The following MAF variants were observed in gnomAD, a reference collection of about 807,000 sequenced individuals.
MAF encodes transcription factor Maf.
Under a neutral mutation model 22.0 loss-of-function variants are expected in MAF, and 10 were observed. The observed-to-expected ratio is 0.45, with a 90% CI of 0.28 to 0.77. MAF has a LOEUF of 0.77. MAF is among the 30% of genes least tolerant of loss of function. The probability of loss-of-function intolerance (pLI) is 0.12; values close to 1 mark genes in which losing one functional copy is unlikely to be tolerated. For missense variants in MAF, 544 were observed against 548.4 expected, an observed-to-expected ratio of 0.99 and a Z score of 0.08; for synonymous variants, 337 against 255.8, an observed-to-expected ratio of 1.32 and a Z score of -3.03.
the MAF span, among the ~76,000 whole-genome samples, chr16:79,266,866 G>C: frequency 1.3e-5 from 2 of 152,212 alleles, no homozygotes; most frequent in Admixed American, 1.3e-4. Context: ...ATGAAGAGGA[G>C]ATGAGGAGAT....
the MAF span, among the ~76,000 whole-genome samples, chr16:79,277,106 T>C: frequency 6.6e-6 from 1 of 152,182 alleles, no homozygotes; most frequent in Non-Finnish European, 1.5e-5. Context: ...GGTGCAATCA[T>C]GGCTCACTGT....
chr16:79,244,493 G>A, the MAF span, among the ~76,000 whole-genome samples: 1 of 151,970 alleles, frequency 6.6e-6, no homozygotes, highest in Middle Eastern at 3.4e-3. Context: ...AAAATACCTA[G>A]GAATACAACT....
chr16:79,380,070 T>A, the MAF span, among the ~76,000 whole-genome samples: 9 of 152,144 alleles, frequency 5.9e-5, no homozygotes, highest in Non-Finnish European at 1.3e-4. Context: ...ATGGAACCCC[T>A]CAGTGTGCAC....
the MAF span, among the ~76,000 whole-genome samples, chr16:79,240,857 C>G: frequency 6.6e-6 from 1 of 152,054 alleles, no homozygotes; most frequent in Admixed American, 6.6e-5. Context: ...AAACAGGCAG[C>G]CATCTTTGCT....
Position 79,594,963 on chromosome 16 carries a change from C to T in MAF, c.1119-410G>A, listed in dbSNP as rs970726202. The T allele has an allele frequency of 5.5e-6, 6 of 1,090,906 alleles. No homozygotes were observed. In the African/African-American group the frequency reaches 8.2e-5, roughly 15 times the overall value. 67.6% of individuals were successfully genotyped at this position (1,090,906 alleles called of 1,614,324 possible). ...ACACAACTATATTTTCCTTCCAATCCAGGCCTCATTTGTCATGAGATAACT... is the reference window on the plus strand; with the variant it reads ...ACACAACTATATTTTCCTTCCAATCTAGGCCTCATTTGTCATGAGATAACT... On this transcript the variant is annotated intron_variant, in intron 1 of 1. Transcript: ENST00000326043.
chr16:79,281,463 A>G, the MAF span, among the ~76,000 whole-genome samples: 1 of 151,624 alleles, frequency 6.6e-6, no homozygotes, highest in Admixed American at 6.6e-5. Flanking sequence ...AGTGAGCTGT[A>G]TTCCTGAAAA....
chr16:79,545,946 G>A, the MAF span, among the ~76,000 whole-genome samples: 6,528 of 151,996 alleles, frequency 0.043, 226 homozygotes, highest in Non-Finnish European at 0.055. Flanking sequence ...ATTTTAATTT[G>A]CTTGATTTAA....
the MAF span, among the ~76,000 whole-genome samples, chr16:79,472,507 G>C: frequency 6.6e-6 from 1 of 152,094 alleles, no homozygotes; most frequent in South Asian, 2.1e-4. Context: ...CTAAGTGAAA[G>C]AAGCCAGGTA....
the MAF span, among the ~76,000 whole-genome samples, chr16:79,324,880 T>C: frequency 6.6e-6 from 1 of 152,092 alleles, no homozygotes; most frequent in African/African-American, 2.4e-5. Context: ...AGCAGGATCA[T>C]GCTCCTTCTG....
chr16:79,353,678 T>C, the MAF span, among the ~76,000 whole-genome samples: 14 of 152,212 alleles, frequency 9.2e-5, no homozygotes, highest in East Asian at 2.7e-3. Flanking sequence ...TTTTCTGCCT[T>C]TGGAGAGGAG....
At chr16:79,211,520 G>A in the MAF span, 3 of 1,556,916 alleles carry the variant, frequency 1.9e-6, no homozygotes, top group Non-Finnish European at 2.6e-6. Flanking sequence ...GGTGGGGGAG[G>A]CCTGCTAATG....
chr16:79,356,860 A>G, the MAF span, among the ~76,000 whole-genome samples: 2 of 152,306 alleles, frequency 1.3e-5, no homozygotes, highest in East Asian at 3.9e-4. Context: ...AAGGCATGAA[A>G]AATTATATTT....
the MAF span, among the ~76,000 whole-genome samples, chr16:79,387,938 T>C: frequency 1.3e-5 from 2 of 152,212 alleles, no homozygotes; most frequent in African/African-American, 2.4e-5. Flanking sequence ...ACTGAGTTCA[T>C]AGTAGGTTGT....
chr16:79,477,483 C>A, the MAF span, among the ~76,000 whole-genome samples: 1 of 152,166 alleles, frequency 6.6e-6, no homozygotes, highest in African/African-American at 2.4e-5. Flanking sequence ...GAGAAAACCA[C>A]CTTGAAAGCC....
At chr16:79,483,433 G>A in the MAF span, among the ~76,000 whole-genome samples, 1 of 150,890 alleles carries the variant, frequency 6.6e-6, no homozygotes, top group African/African-American at 2.4e-5. Context: ...GGGAAGTGAA[G>A]GGAAGACCCA....
At chr16:79,462,279 A>C in the MAF span, among the ~76,000 whole-genome samples, 1 of 151,952 alleles carries the variant, frequency 6.6e-6, no homozygotes, top group Non-Finnish European at 1.5e-5. Context: ...CACTTTTATT[A>C]CTCCCATTTT....
At chr16:79,238,415 T>C in the MAF span, among the ~76,000 whole-genome samples, 1 of 152,100 alleles carries the variant, frequency 6.6e-6, no homozygotes, top group Non-Finnish European at 1.5e-5. Context: ...TTTACTTATT[T>C]GGGTACATAG....
At chr16:79,326,098 T>C in the MAF span, among the ~76,000 whole-genome samples, 3 of 152,216 alleles carry the variant, frequency 2.0e-5, no homozygotes, top group Non-Finnish European at 4.4e-5. Context: ...CAATTTTTAA[T>C]CCACAAAATA....
the MAF span, among the ~76,000 whole-genome samples, chr16:79,216,202 G>C: frequency 6.6e-6 from 1 of 152,058 alleles, no homozygotes. Context: ...GTGCACATCT[G>C]TATATGTATA....
Sources: allele counts gnomAD v4.1 joint callset (sites outside exome capture counted in the v4.1 genomes callset), GRCh38; gene constraint gnomAD v4.1.1; transcripts MANE v1.5; gene names NCBI Gene and HGNC (gene_info 2026-07-23, HGNC 2026-07-21).